The following ZBTB41 variants were observed in gnomAD, a reference collection of about 807,000 sequenced individuals.
ZBTB41 encodes zinc finger and BTB domain-containing protein 41.
ZBTB41 carries 42 observed loss-of-function variants against 87.6 expected under a neutral mutation model. That is an observed-to-expected ratio of 0.48 (90% CI 0.37 to 0.62). The LOEUF is 0.62. Among genes scored for constraint, ZBTB41 ranks in the 20% least tolerant of loss-of-function variants. The pLI is 0.00. For missense variants in ZBTB41, 799 were observed against 1,078.9 expected (o/e 0.74, Z 3.63); for synonymous variants, 364 against 364.0 (o/e 1.00, Z 0.00).
chr1:197,199,540 C>T lies in ZBTB41; in HGVS notation c.934G>A (p.Glu312Lys), dbSNP rs772798047. ...ATGTCAGAGTACTCATCTGACATCT[C>T]CTCCTCTAGCTCATCTTCTTCAGCA... ...YNAEEDELEEEMSDEYSDIEE... is the reference protein window; with the variant it reads ...YNAEEDELEEKMSDEYSDIEE... The change falls in exon 2 of 11, where the codon GAG (glutamate) becomes AAG (lysine). Residue 312 changes from glutamate to lysine, a missense_variant. Coordinates refer to ENST00000367405, the MANE Select transcript of ZBTB41 (RefSeq NM_194314.3). The T allele has an allele frequency of 3.7e-6, 6 of 1,609,466 alleles. No individual in the cohort carries two copies. The highest frequency in any genetic ancestry group is 1.7e-5 in the Admixed American group (1 of 59,122).
At chr1:197,188,092 A>T (rs960017681) in intron 5 of ZBTB41, among the ~76,000 whole-genome samples, 200 bp downstream of exon 5, 1 of 152,156 alleles carries the variant, frequency 6.6e-6, no homozygotes, top group Non-Finnish European at 1.5e-5. Flanking sequence ...ACTGCTGATA[A>T]TGGGGGAGGC....
chr1:197,172,123 A>C (rs10429910), intron 10 of ZBTB41, 37 bp downstream of exon 10: 147,414 of 708,140 alleles, frequency 0.21, 20,420 homozygotes, highest in East Asian at 0.69. Context: ...ATCTCTCTCT[A>C]TATATATATA....
intron 4 of ZBTB41, among the ~76,000 whole-genome samples, chr1:197,190,011 C>T (rs1352632133): frequency 2.6e-5 from 4 of 152,102 alleles, no homozygotes; most frequent in South Asian, 2.1e-4. Context: ...CTCTGCCTCC[C>T]GAGTTCAAGT....
rs1451029894 is a variant in ZBTB41 at position 197,158,564 on chromosome 1, A to T, written c.*795T>A. 1 of 152,360 alleles carries T rather than the reference A, an allele frequency of 6.6e-6. No homozygotes were observed. The highest frequency in any genetic ancestry group is 2.4e-5 in the African/African-American group (1 of 41,446). The allele number at this position is 152,360 out of a possible 1,614,324, so 9.4% of individuals were successfully genotyped here. A position where few individuals can be genotyped will look rare whatever the true frequency, so the allele number is the denominator to read the frequency against. The stretch of plus-strand genomic sequence containing the variant: ...TCTGAAATAAATAGTAAAGTACAAA[A>T]GGTGAACTTACCTTGAAAAACATCT... On this transcript the variant is annotated 3_prime_UTR_variant, in exon 11 of 11. Coordinates refer to ENST00000367405, the MANE Select transcript of ZBTB41 (RefSeq NM_194314.3).
intron 2 of ZBTB41, among the ~76,000 whole-genome samples, chr1:197,194,618 G>GAAAAAAAAAAAAAA (rs71131750): frequency 1.5e-5 from 2 of 135,798 alleles, no homozygotes; most frequent in African/African-American, 2.7e-5. Flanking sequence ...ATTTAAGCAA[G>GAAAAAAAAAAAAAA]AAAAAAAAAA....
At chr1:197,196,743 T>C (rs569110043) in intron 2 of ZBTB41, among the ~76,000 whole-genome samples, 1 of 152,294 alleles carries the variant, frequency 6.6e-6, no homozygotes, top group South Asian at 2.1e-4. Flanking sequence ...TCATCTCCTG[T>C]TATTTTCACT....
intron 5 of ZBTB41, 114 bp downstream of exon 5, chr1:197,188,178 A>G (rs779962234): frequency 5.6e-5 from 70 of 1,259,932 alleles, no homozygotes; most frequent in Non-Finnish European, 6.9e-5. Context: ...ACCTAAAACC[A>G]CTCTTAAAAA....
chr1:197,183,028 T>A (rs1307670172), intron 5 of ZBTB41, among the ~76,000 whole-genome samples: 1 of 152,128 alleles, frequency 6.6e-6, no homozygotes, highest in Admixed American at 6.6e-5. Context: ...TATATATATA[T>A]AATATTGCTT....
chr1:197,164,281 T>C (rs1272998303), intron 10 of ZBTB41, among the ~76,000 whole-genome samples: 1 of 151,922 alleles, frequency 6.6e-6, no homozygotes, highest in Non-Finnish European at 1.5e-5. Context: ...AAAGAACACA[T>C]AATTAAGAAG....
rs1159758589 is a variant in ZBTB41, at chr1:197,172,146, T to C, written c.2074+14A>G. 6.4e-6 allele frequency: 8 copies of C among 1,247,956 alleles called. No individual in the cohort carries two copies. Among genetic ancestry groups the C allele is most frequent in the Non-Finnish European group, 7.5e-6 (7 of 938,326 alleles). The allele number at this position is 1,247,956 out of a possible 1,614,324, so 77.3% of individuals were successfully genotyped here. ...CTATATATATATATCTATGAACCAC[T>C]CATTAAATTTTACCTGAATGCGTTC... On this transcript the variant is annotated intron_variant, in intron 10 of 10. Transcript: ENST00000367405.
In ZBTB41 at chr1:197,178,517, A is replaced by G. The variant is rs770523410; in HGVS notation, c.1677-5T>C. Reference sequence around the variant, plus strand: ...AAATGTTCTTTCAAAGTAGTTCTGCATTAAAATATATAGATTCGAGATTTT... The same window carrying G: ...AAATGTTCTTTCAAAGTAGTTCTGCGTTAAAATATATAGATTCGAGATTTT... On this transcript the variant is annotated splice_region_variant and splice_polypyrimidine_tract_variant and intron_variant, in intron 6 of 10. Coordinates refer to ENST00000367405, the MANE Select transcript of ZBTB41 (RefSeq NM_194314.3). 5 of 1,593,020 alleles carry G rather than the reference A, an allele frequency of 3.1e-6. No individual in the cohort carries two copies. The highest frequency in any genetic ancestry group is 1.4e-5 in the African/African-American group (1 of 73,726).
chr1:197,177,106 A>T (rs1219449132), intron 7 of ZBTB41, among the ~76,000 whole-genome samples: 2 of 152,136 alleles, frequency 1.3e-5, no homozygotes, highest in Admixed American at 6.6e-5. Flanking sequence ...CAAATGATAC[A>T]GTAAATGGTA....
intron 10 of ZBTB41, among the ~76,000 whole-genome samples, chr1:197,170,834 T>A (rs1030341785): frequency 6.6e-6 from 1 of 152,178 alleles, no homozygotes; most frequent in African/African-American, 2.4e-5. Flanking sequence ...ACATTTACTA[T>A]CTAGCCCTCA....
At chr1:197,160,850 G>C (rs1659184755) in intron 10 of ZBTB41, among the ~76,000 whole-genome samples, 1 of 152,106 alleles carries the variant, frequency 6.6e-6, no homozygotes, top group South Asian at 2.1e-4. Flanking sequence ...CTAATCATAG[G>C]CGTCGTAGAA....
At chr1:197,161,853 A>T (rs114003406) in intron 10 of ZBTB41, among the ~76,000 whole-genome samples, 15,159 of 151,672 alleles carry the variant, frequency 0.1, 870 homozygotes, top group Middle Eastern at 0.15. Context: ...TAATTTTTTT[A>T]AAAAAAATAA....
intron 5 of ZBTB41, among the ~76,000 whole-genome samples, chr1:197,186,270 T>G (rs1659878628): frequency 7.8e-6 from 1 of 128,328 alleles, no homozygotes; most frequent in African/African-American, 2.7e-5. Context: ...CAAATGGATA[T>G]CCACAGACAA....
intron 9 of ZBTB41, 53 bp downstream of exon 9, chr1:197,174,957 T>C (rs1430720465): frequency 6.9e-7 from 1 of 1,441,742 alleles, no homozygotes; most frequent in African/African-American, 1.4e-5. Flanking sequence ...GTTACAACTT[T>C]CCTCAGAGAC....
At chr1:197,186,205 A>C (rs532648547) in intron 5 of ZBTB41, among the ~76,000 whole-genome samples, 5 of 152,136 alleles carry the variant, frequency 3.3e-5, no homozygotes, top group African/African-American at 1.2e-4. Flanking sequence ...TTTCACAAAG[A>C]AGCAGAGCCA....
intron 10 of ZBTB41, among the ~76,000 whole-genome samples, chr1:197,171,343 C>A (rs1659473855): frequency 6.6e-6 from 1 of 151,986 alleles, no homozygotes. Context: ...TTTACTGCAA[C>A]TATTTGCTAA....
Sources: allele counts gnomAD v4.1 joint callset (sites outside exome capture counted in the v4.1 genomes callset), GRCh38; gene constraint gnomAD v4.1.1; transcripts MANE v1.5; gene names NCBI Gene and HGNC (gene_info 2026-07-23, HGNC 2026-07-21).